The following PALS2 variants were observed in gnomAD, a reference collection of about 807,000 sequenced individuals.
PALS2 encodes protein PALS2.
Under a neutral mutation model 61.6 loss-of-function variants are expected in PALS2, and 27 were observed. The observed-to-expected ratio is 0.44, with a 90% CI of 0.32 to 0.60. PALS2 has a LOEUF of 0.60. Among genes scored for constraint, PALS2 ranks in the 20% least tolerant of loss-of-function variants. The pLI is 0.05. For missense variants in PALS2, 554 were observed against 639.4 expected (o/e 0.87, Z 1.44); for synonymous variants, 236 against 218.6 (o/e 1.08, Z -0.70).
At chr7:24,631,684 T>G (rs895142099) in intron 2 of PALS2, among the ~76,000 whole-genome samples, 3 of 152,212 alleles carry the variant, frequency 2.0e-5, no homozygotes, top group Non-Finnish European at 4.4e-5. Flanking sequence ...TATTATTGTC[T>G]TATTTTAAGA....
Position 24,680,434 on chromosome 7 carries a change from G to T in PALS2, c.1360G>T (p.Val454Leu). The change falls in exon 11 of 12, where the codon GTA (valine) becomes TTA (leucine). Residue 454 changes from valine (V) to leucine (L), a missense_variant. Transcript: ENST00000222644. ...LRTSEFMPYVVFIAAPELETL... is the reference protein window; with the variant it reads ...LRTSEFMPYVLFIAAPELETL... ...GACATCAGAGTTTATGCCCTATGTG[G>T]TATTTATTGCGGCTCCGGAGCTAGA... 6.2e-7 allele frequency: 1 copy of T among 1,613,646 alleles called. No individual in the cohort carries two copies. Among genetic ancestry groups the T allele is most frequent in the Admixed American group, 1.7e-5 (1 of 60,014 alleles).
intron 5 of PALS2, among the ~76,000 whole-genome samples, chr7:24,661,649 A>T (rs1271985502): frequency 2.6e-5 from 4 of 152,188 alleles, no homozygotes; most frequent in Non-Finnish European, 4.4e-5. Flanking sequence ...GCCTGATCTC[A>T]AATACCTTTA....
At chr7:24,664,858 C>T (rs1355208307) in intron 6 of PALS2, among the ~76,000 whole-genome samples, 1 of 151,642 alleles carries the variant, frequency 6.6e-6, no homozygotes, top group African/African-American at 2.4e-5. Flanking sequence ...GTTTTCTCTT[C>T]TAACCTGTCA....
At chr7:24,578,619 G>A (rs1782726896) in intron 1 of PALS2, among the ~76,000 whole-genome samples, 1 of 152,150 alleles carries the variant, frequency 6.6e-6, no homozygotes, top group South Asian at 2.1e-4. Flanking sequence ...TCCTCTTAGT[G>A]GAAAATATGG....
At chr7:24,626,344 C>G (rs537352153) in intron 2 of PALS2, among the ~76,000 whole-genome samples, 1 of 152,150 alleles carries the variant, frequency 6.6e-6, no homozygotes, top group South Asian at 2.1e-4. Flanking sequence ...GTGAAACATA[C>G]TCAAAATATC....
intron 1 of PALS2, among the ~76,000 whole-genome samples, chr7:24,617,645 TA>T (rs895907526): frequency 5.9e-5 from 9 of 152,202 alleles, no homozygotes; most frequent in African/African-American, 2.2e-4. Context: ...GTGATGTTTG[TA>T]AGTGTTTCAG....
chr7:24,591,881 G>A (rs1009809192), intron 1 of PALS2, among the ~76,000 whole-genome samples: 63 of 151,826 alleles, frequency 4.1e-4, no homozygotes, highest in African/African-American at 1.5e-3. Flanking sequence ...ACATTTTTCT[G>A]TAAAGCACAC....
At chr7:24,667,749 C>G (rs1787102510) in intron 8 of PALS2, among the ~76,000 whole-genome samples, 1 of 140,534 alleles carries the variant, frequency 7.1e-6, no homozygotes, top group South Asian at 2.3e-4. Flanking sequence ...ACTGCAGTCT[C>G]TGCTTCCTGG....
At chr7:24,653,480 G>C (rs1786263704) in intron 5 of PALS2, among the ~76,000 whole-genome samples, 1 of 151,874 alleles carries the variant, frequency 6.6e-6, no homozygotes, top group Admixed American at 6.6e-5. Flanking sequence ...CTTGCAGCTG[G>C]TCTGCCTGAG....
chr7:24,680,732 A>G (rs1787881174), intron 11 of PALS2, among the ~76,000 whole-genome samples: 1 of 152,122 alleles, frequency 6.6e-6, no homozygotes, highest in Non-Finnish European at 1.5e-5. Flanking sequence ...AGTAGCTGGG[A>G]TTACAGGCAT....
At chr7:24,600,959 C>T (rs1783700328) in intron 1 of PALS2, among the ~76,000 whole-genome samples, 1 of 151,932 alleles carries the variant, frequency 6.6e-6, no homozygotes, top group Non-Finnish European at 1.5e-5. Flanking sequence ...TTTATTAAAA[C>T]TATTAATGCA....
intron 3 of PALS2, among the ~76,000 whole-genome samples, chr7:24,645,046 GA>G (rs1285502712): frequency 6.6e-6 from 1 of 152,114 alleles, no homozygotes; most frequent in African/African-American, 2.4e-5. Flanking sequence ...ACATTTGTCA[GA>G]TGCATCATTT....
At chr7:24,580,196 G>A (rs1400955083) in intron 1 of PALS2, among the ~76,000 whole-genome samples, 1 of 152,088 alleles carries the variant, frequency 6.6e-6, no homozygotes, top group South Asian at 2.1e-4. Flanking sequence ...TTTATATTTT[G>A]TTCTGTAGGT....
rs552853503 is a variant in PALS2 at position 24,597,973 on chromosome 7, G to C, written c.-3+24380G>C. On this transcript the variant is annotated intron_variant, in intron 1 of 11. Transcript: ENST00000222644. ...GCAATTTGAGAATATTGCAATACTT[G>C]GGGATAAGAATAGGAAGGAAGGCCC... Among the ~76,000 whole-genome samples, 4 of 152,202 alleles carry C rather than the reference G, an allele frequency of 2.6e-5. No individual in the cohort carries two copies. In the South Asian group the frequency reaches 6.2e-4, roughly 24 times the overall value.
At chr7:24,647,423 A>G (rs915466487) in intron 3 of PALS2, among the ~76,000 whole-genome samples, 3 of 152,206 alleles carry the variant, frequency 2.0e-5, no homozygotes, top group Non-Finnish European at 2.9e-5. Flanking sequence ...TGCTGGGATT[A>G]CAGGCGTGAG....
chr7:24,659,673 A>G (rs1786612568), intron 5 of PALS2, among the ~76,000 whole-genome samples: 1 of 152,140 alleles, frequency 6.6e-6, no homozygotes, highest in African/African-American at 2.4e-5. Flanking sequence ...AGGTTTTTCC[A>G]CTTGGCCTGG....
chr7:24,600,451 G>T (rs1300081704), intron 1 of PALS2, among the ~76,000 whole-genome samples: 1 of 151,892 alleles, frequency 6.6e-6, no homozygotes, highest in Non-Finnish European at 1.5e-5. Flanking sequence ...GAAGAAAAAA[G>T]GTTTGTTATT....
At chr7:24,669,790 G>T (rs1388573862) in intron 9 of PALS2, among the ~76,000 whole-genome samples, 2 of 152,132 alleles carry the variant, frequency 1.3e-5, no homozygotes, top group Non-Finnish European at 2.9e-5. Flanking sequence ...TAAATCTTCT[G>T]ATTCTACTGC....
intron 2 of PALS2, among the ~76,000 whole-genome samples, chr7:24,637,481 G>A (rs904032781): frequency 1.3e-5 from 2 of 151,990 alleles, no homozygotes; most frequent in Admixed American, 6.6e-5. Context: ...TAGAATAAAA[G>A]AAGAGGGTGG....
Sources: allele counts gnomAD v4.1 joint callset (sites outside exome capture counted in the v4.1 genomes callset), GRCh38; gene constraint gnomAD v4.1.1; transcripts MANE v1.5; gene names NCBI Gene and HGNC (gene_info 2026-07-23, HGNC 2026-07-21).